Variants in RELN observed in about 807,000 individuals in gnomAD.
The protein encoded by RELN is reelin.
Under a neutral mutation model 427.6 loss-of-function variants are expected in RELN, and 108 were observed. The observed-to-expected ratio is 0.25, with a 90% CI of 0.22 to 0.30. The LOEUF (loss-of-function observed/expected upper bound fraction) is 0.30, where lower values mean the gene tolerates loss of function less well. Among genes scored for constraint, RELN ranks in the 10% least tolerant of loss-of-function variants. RELN has a pLI of 1.00. For synonymous variants in RELN, 1,524 were observed against 1,513.4 expected, an observed-to-expected ratio of 1.01 and a Z score of -0.16; for missense variants, 3,715 against 4,302.8, an observed-to-expected ratio of 0.86 and a Z score of 3.82.
chr7:103,535,261 C>T, intron 46 of RELN, 55 bp downstream of exon 46: 2 of 1,543,296 alleles, frequency 1.3e-6, no homozygotes, highest in Non-Finnish European at 9.0e-7. Context: ...AATGTTATCA[C>T]ATTTGGGCTC....
At chr7:103,557,906 G>A (rs1381943595) in intron 37 of RELN, 59 bp downstream of exon 37, 3 of 829,496 alleles carry the variant, frequency 3.6e-6, no homozygotes, top group Non-Finnish European at 6.3e-6. Flanking sequence ...ATTTCTTTGT[G>A]GAAAAGGAAT....
intron 2 of RELN, among the ~76,000 whole-genome samples, chr7:103,840,573 A>G (rs1793528420): frequency 6.6e-6 from 1 of 152,228 alleles, no homozygotes; most frequent in Admixed American, 6.5e-5. Context: ...CATGACACAA[A>G]GGCAGACATA....
chr7:103,769,626 A>G (rs1203370022), intron 4 of RELN, among the ~76,000 whole-genome samples: 1 of 152,174 alleles, frequency 6.6e-6, no homozygotes, highest in Non-Finnish European at 1.5e-5. Context: ...AATCATGCCC[A>G]CTAGCATTCT....
intron 1 of RELN, among the ~76,000 whole-genome samples, chr7:103,966,413 C>G (rs1796662296): frequency 6.6e-6 from 1 of 152,156 alleles, no homozygotes; most frequent in African/African-American, 2.4e-5. Flanking sequence ...AAAGAAACCA[C>G]AATACCCAGA....
rs879745033 is a variant in RELN, at chr7:103,516,827, CT to C, written c.7863-1387del. ...TCCATGTTGATTTTATTTTTCCTTCCTTTTTTTTTTCTGTCTTCCTTGAGGT... is the reference window on the plus strand; with the variant it reads ...TCCATGTTGATTTTATTTTTCCTTCCTTTTTTTTTCTGTCTTCCTTGAGGT... On this transcript the variant is annotated intron_variant, in intron 49 of 64. Coordinates refer to ENST00000428762, the MANE Select transcript of RELN (RefSeq NM_005045.4). Among the ~76,000 whole-genome samples the C allele has an allele frequency of 8.1e-5, 12 of 148,956 alleles. No homozygotes were observed. In the East Asian group the frequency reaches 9.8e-4, roughly 12 times the overall value.
At chr7:103,639,486 A>C (rs1345397336) in intron 17 of RELN, among the ~76,000 whole-genome samples, 2 of 145,610 alleles carry the variant, frequency 1.4e-5, no homozygotes, top group African/African-American at 5.1e-5. Flanking sequence ...TGCAACCTCT[A>C]CCTCCCGGGT....
chr7:103,730,426 A>G (rs1456833489), intron 6 of RELN, among the ~76,000 whole-genome samples: 3 of 152,040 alleles, frequency 2.0e-5, no homozygotes, highest in African/African-American at 7.2e-5. Context: ...ACCAGTACCT[A>G]GATGACAGAT....
chr7:103,635,401 T>G, intron 19 of RELN, 24 bp downstream of exon 19: 1 of 1,612,798 alleles, frequency 6.2e-7, no homozygotes. Context: ...CTACAACCAT[T>G]TTTCCAAATG....
At chr7:103,940,974 T>G (rs1796100548) in intron 1 of RELN, among the ~76,000 whole-genome samples, 1 of 152,168 alleles carries the variant, frequency 6.6e-6, no homozygotes, top group Admixed American at 6.6e-5. Context: ...AATAGTAACC[T>G]CTAATTCTAA....
chr7:103,505,128 C>A (rs1166576187), intron 51 of RELN, among the ~76,000 whole-genome samples: 1 of 152,214 alleles, frequency 6.6e-6, no homozygotes, highest in Non-Finnish European at 1.5e-5. Flanking sequence ...GGAAGGGGTG[C>A]TGTGGGCACA....
chr7:103,986,728 AT>A (rs1227267544), intron 1 of RELN, among the ~76,000 whole-genome samples: 1 of 151,026 alleles, frequency 6.6e-6, no homozygotes, highest in Non-Finnish European at 1.5e-5. Flanking sequence ...AATGTGACTG[AT>A]TTTTTCTGAT....
At chr7:103,918,462 A>C (rs1795537431) in intron 1 of RELN, among the ~76,000 whole-genome samples, 1 of 152,144 alleles carries the variant, frequency 6.6e-6, no homozygotes, top group African/African-American at 2.4e-5. Flanking sequence ...ATATCATCTA[A>C]AATGTTTTGA....
intron 6 of RELN, among the ~76,000 whole-genome samples, chr7:103,741,440 G>A (rs1202678874): frequency 2.6e-5 from 4 of 151,636 alleles, no homozygotes; most frequent in East Asian, 1.9e-4. Flanking sequence ...GAAGACTTGG[G>A]GACTCAGTTA....
chr7:103,919,133 C>CTTTTTTTTTTTTT (rs1187538150), intron 1 of RELN, among the ~76,000 whole-genome samples: 1 of 101,366 alleles, frequency 9.9e-6, no homozygotes, highest in Non-Finnish European at 2.0e-5. Flanking sequence ...GATAATCGGT[C>CTTTTTTTTTTTTT]TTTTTTTTTT....
intron 4 of RELN, among the ~76,000 whole-genome samples, chr7:103,773,113 TTTCTTTCTTTC>T (rs1318720187): frequency 5.9e-4 from 32 of 54,002 alleles, no homozygotes; most frequent in African/African-American, 1.7e-3. Context: ...TCTTTCTTTC[TTTCTTTCTTTC>T]TTTCTTTCTT....
At chr7:103,745,366 A>T (rs781392269) in intron 6 of RELN, among the ~76,000 whole-genome samples, 1 of 151,974 alleles carries the variant, frequency 6.6e-6, no homozygotes, top group Non-Finnish European at 1.5e-5. Flanking sequence ...AAGACAGGGA[A>T]GCCCTCTCTC....
rs748141276 is a variant in RELN at position 103,540,300 on chromosome 7, A to G, written c.6827T>C (p.Ile2276Thr). ...GGCTTTCAAGGGTATCTCCAGGGCAATGTACCTGCCCACATTGCTGGAATT... is the reference window on the plus strand; with the variant it reads ...GGCTTTCAAGGGTATCTCCAGGGCAGTGTACCTGCCCACATTGCTGGAATT... Reference protein sequence around the residue: ...FSNSSNVGRYIALEIPLKARS... With the variant: ...FSNSSNVGRYTALEIPLKARS... The change falls in exon 44 of 65, where the codon ATT (isoleucine) becomes ACT (threonine). Residue 2276 changes from isoleucine (I) to threonine (T), a missense_variant. Transcript: ENST00000428762. The G allele has an allele frequency of 1.9e-6, 3 of 1,614,222 alleles. No homozygotes were observed. Among genetic ancestry groups the G allele is most frequent in the Non-Finnish European group, 1.7e-6 (2 of 1,180,036 alleles).
At chr7:103,845,306 T>G (rs1235702522) in intron 2 of RELN, among the ~76,000 whole-genome samples, 1 of 152,166 alleles carries the variant, frequency 6.6e-6, no homozygotes, top group African/African-American at 2.4e-5. Flanking sequence ...TTCTCAGGCC[T>G]CAGTCACCTG....
intron 40 of RELN, 68 bp downstream of exon 40, chr7:103,553,393 T>C: frequency 8.6e-7 from 1 of 1,167,022 alleles, no homozygotes; most frequent in South Asian, 1.3e-5. Flanking sequence ...TCTGAGATTT[T>C]CCTCCCCTTT....
Sources: gnomAD v4.1 joint callset for allele counts (sites outside exome capture counted in the v4.1 genomes callset) on GRCh38, gnomAD v4.1.1 for gene constraint, MANE v1.5 for transcripts, NCBI Gene and HGNC (gene_info 2026-07-23, HGNC 2026-07-21) for gene names.